The following LY96 variants were observed in gnomAD, a reference collection of about 807,000 sequenced individuals.
LY96 encodes lymphocyte antigen 96, also known as myeloid differentiation protein-2.
LY96 carries 18 observed loss-of-function variants against 18.9 expected under a neutral mutation model. The observed-to-expected ratio is 0.95, with a 90% CI of 0.66 to 1.41. LY96 has a LOEUF of 1.41. Among genes scored for constraint, LY96 ranks in the 40% most tolerant of loss-of-function variants. The pLI, the probability that LY96 is intolerant of heterozygous loss-of-function variation, is 0.00. For missense variants in LY96, 175 were observed against 182.4 expected (o/e 0.96, Z 0.23); for synonymous variants, 66 against 62.6 (o/e 1.06, Z -0.26).
the LY96 span, among the ~76,000 whole-genome samples, chr8:74,053,875 T>G: frequency 6.6e-6 from 1 of 152,196 alleles, no homozygotes; most frequent in African/African-American, 2.4e-5. Flanking sequence ...AAGAGAAATC[T>G]GATTTGACTT....
intron 2 of LY96, 88 bp downstream of exon 2, chr8:74,004,973 T>G: frequency 2.2e-6 from 3 of 1,371,812 alleles, no homozygotes; most frequent in Non-Finnish European, 3.1e-6. Context: ...ATACTTGTAT[T>G]CGTTATCTAT....
chr8:74,044,842 G>A, the LY96 span, among the ~76,000 whole-genome samples: 16 of 152,296 alleles, frequency 1.1e-4, no homozygotes, highest in African/African-American at 3.6e-4. Flanking sequence ...CTTGTCAGTG[G>A]GTTGTCAAGT....
the LY96 span, among the ~76,000 whole-genome samples, chr8:74,080,725 A>C: frequency 2.0e-5 from 3 of 152,312 alleles, no homozygotes; most frequent in East Asian, 1.9e-4. Flanking sequence ...AGAATTGCAA[A>C]GGATGGAATT....
At chr8:74,039,023 C>T in the LY96 span, among the ~76,000 whole-genome samples, 15 of 152,336 alleles carry the variant, frequency 9.8e-5, no homozygotes, top group African/African-American at 2.6e-4. Flanking sequence ...CTTTTCTCTA[C>T]ATCCTTGCCA....
At chr8:74,058,011 C>T in the LY96 span, among the ~76,000 whole-genome samples, 1 of 152,118 alleles carries the variant, frequency 6.6e-6, no homozygotes, top group Non-Finnish European at 1.5e-5. Context: ...CTTAGGCCTT[C>T]AATACTTCGT....
chr8:74,076,093 G>A, the LY96 span, among the ~76,000 whole-genome samples: 13 of 152,178 alleles, frequency 8.5e-5, no homozygotes, highest in Non-Finnish European at 1.5e-4. Flanking sequence ...AATGTGAGTC[G>A]CTTGGAGAAG....
intron 2 of LY96, among the ~76,000 whole-genome samples, chr8:74,008,662 T>G (rs1260747440): frequency 6.6e-6 from 1 of 152,178 alleles, no homozygotes; most frequent in Admixed American, 6.5e-5. Flanking sequence ...GAAATCACTT[T>G]TAGATCTGTT....
At chr8:74,074,154 T>C in the LY96 span, among the ~76,000 whole-genome samples, 6 of 152,054 alleles carry the variant, frequency 3.9e-5, no homozygotes, top group African/African-American at 1.2e-4. Context: ...CCTACCACCA[T>C]GTTCAGCTAA....
At chr8:74,011,858 CAAAA>C (rs570734407) in intron 3 of LY96, among the ~76,000 whole-genome samples, 1 of 65,422 alleles carries the variant, frequency 1.5e-5, no homozygotes. Context: ...GACTCCATCT[CAAAA>C]AAAAAAAAAA....
chr8:73,992,836 CTGTGTG>C (rs34327741), intron 1 of LY96, among the ~76,000 whole-genome samples: 470 of 141,822 alleles, frequency 3.3e-3, no homozygotes, highest in East Asian at 0.012. Flanking sequence ...AATTATGCCA[CTGTGTG>C]TGTGTGTGTG....
the LY96 span, among the ~76,000 whole-genome samples, chr8:74,086,491 C>T: frequency 6.6e-6 from 1 of 152,214 alleles, no homozygotes; most frequent in Non-Finnish European, 1.5e-5. Context: ...ATTTCCATGG[C>T]TGTTATAACA....
downstream of LY96, among the ~76,000 whole-genome samples, chr8:74,031,550 TGAACCC>T (rs920026109): frequency 8.6e-5 from 13 of 151,372 alleles, no homozygotes; most frequent in Non-Finnish European, 1.2e-4. Context: ...GAGAATTGCT[TGAACCC>T]AGGAGGCGGA....
chr8:74,054,738 A>G, the LY96 span, among the ~76,000 whole-genome samples: 1 of 148,108 alleles, frequency 6.8e-6, no homozygotes, highest in African/African-American at 2.5e-5. Flanking sequence ...ATCATGGCTC[A>G]CCACAGCCTC....
chr8:74,054,580 CT>C, the LY96 span, among the ~76,000 whole-genome samples: 2 of 117,752 alleles, frequency 1.7e-5, no homozygotes, highest in South Asian at 3.3e-4. Context: ...TCCCTCCCCC[CT>C]CCCTCCTTTC....
chr8:74,094,708 G>A, the LY96 span, among the ~76,000 whole-genome samples: 1 of 152,156 alleles, frequency 6.6e-6, no homozygotes, highest in Non-Finnish European at 1.5e-5. Flanking sequence ...TGTCTTAGGT[G>A]CTTTCCTAGA....
the LY96 span, among the ~76,000 whole-genome samples, chr8:74,054,513 TCTTTC>T: frequency 6.8e-6 from 1 of 146,712 alleles, no homozygotes; most frequent in East Asian, 2.0e-4. Flanking sequence ...TTTTTTCTTT[TCTTTC>T]TTTTCCTTCC....
rs868008188 is a variant in LY96 at position 74,002,105 on chromosome 8, C to T, written c.113-2691C>T. 1.3e-3 allele frequency among the ~76,000 whole-genome samples: 143 copies of T among 106,912 alleles called. 7 individuals carry two copies. The highest frequency in any genetic ancestry group is 1.6e-3 in the Non-Finnish European group (88 of 53,394). 70.1% of individuals were successfully genotyped at this position (106,912 alleles called of 152,430 possible). Reference sequence around the variant, plus strand: ...TTTCTTTCTTTCTTTCTCTCTCTCTCTCTCTCTCTCTCTCTCTCTCTCTCT... The same window carrying T: ...TTTCTTTCTTTCTTTCTCTCTCTCTTTCTCTCTCTCTCTCTCTCTCTCTCT... On this transcript the variant is annotated intron_variant, in intron 1 of 4. Transcript: ENST00000284818.
the LY96 span, among the ~76,000 whole-genome samples, chr8:74,076,216 T>G: frequency 6.6e-6 from 1 of 151,916 alleles, no homozygotes; most frequent in African/African-American, 2.4e-5. Flanking sequence ...TTGAAGGGTA[T>G]CTCGGTGATG....
At chr8:74,090,656 T>C in the LY96 span, among the ~76,000 whole-genome samples, 3 of 152,348 alleles carry the variant, frequency 2.0e-5, no homozygotes, top group Non-Finnish European at 4.4e-5. Context: ...GGTGGTGCTG[T>C]ATCTTGTTAG....
Sources: gnomAD v4.1 joint callset for allele counts (sites outside exome capture counted in the v4.1 genomes callset) on GRCh38, gnomAD v4.1.1 for gene constraint, MANE v1.5 for transcripts, NCBI Gene and HGNC (gene_info 2026-07-23, HGNC 2026-07-21) for gene names.